TRAM1: variants seen among roughly 807,000 people sequenced by gnomAD.
TRAM1 encodes translocation associated membrane protein 1, also known as translocating chain-associated membrane protein 1.
Under a neutral mutation model 48.7 loss-of-function variants are expected in TRAM1, and 17 were observed. The observed-to-expected ratio is 0.35, with a 90% CI of 0.24 to 0.52. TRAM1 has a LOEUF of 0.52. Among genes scored for constraint, TRAM1 ranks in the 20% least tolerant of loss-of-function variants. TRAM1 has a pLI of 0.94. For missense variants in TRAM1, 351 were observed against 441.5 expected, an observed-to-expected ratio of 0.79 and a Z score of 1.84; for synonymous variants, 182 against 154.0, an observed-to-expected ratio of 1.18 and a Z score of -1.34.
At chr8:70,593,891 T>C (rs1014448069) in intron 6 of TRAM1, among the ~76,000 whole-genome samples, 1 of 152,144 alleles carries the variant, frequency 6.6e-6, no homozygotes, top group Admixed American at 6.6e-5. Flanking sequence ...TGTGATAGCA[T>C]GGAACCCGAC....
intron 6 of TRAM1, among the ~76,000 whole-genome samples, chr8:70,588,797 A>G (rs1817284491): frequency 6.6e-6 from 1 of 152,166 alleles, no homozygotes; most frequent in Admixed American, 6.5e-5. Flanking sequence ...CCTATACCTC[A>G]TTTCTAATTT....
intron 4 of TRAM1, among the ~76,000 whole-genome samples, chr8:70,597,065 G>A (rs561327856): frequency 4.6e-5 from 7 of 152,108 alleles, no homozygotes; most frequent in Non-Finnish European, 8.8e-5. Flanking sequence ...AAAACTCACT[G>A]TTATTCATCT....
chr8:70,604,762 CT>C (rs1332525449), intron 1 of TRAM1, among the ~76,000 whole-genome samples: 1 of 152,032 alleles, frequency 6.6e-6, no homozygotes, highest in Admixed American at 6.5e-5. Flanking sequence ...AATATCTTTC[CT>C]TTTGAATATA....
At chr8:70,579,500 T>C (rs1817029107) in intron 10 of TRAM1, among the ~76,000 whole-genome samples, 1 of 152,230 alleles carries the variant, frequency 6.6e-6, no homozygotes, top group South Asian at 2.1e-4. Flanking sequence ...TTTTGGAATG[T>C]ATTCCCCCAG....
At chr8:70,598,981 CAG>C (rs778237396) in intron 2 of TRAM1, among the ~76,000 whole-genome samples, 31 of 152,282 alleles carry the variant, frequency 2.0e-4, no homozygotes, top group Middle Eastern at 3.4e-3. Flanking sequence ...AAACCCAACT[CAG>C]GGGCTAGATG....
Position 70,608,368 on chromosome 8 carries a change from CG to C in TRAM1, c.-170del, listed in dbSNP as rs1554536515. ...GCCAGTACGCAGCCGCCGGGCCGCC[CG>C]GGGGAAAAAAAAAAACACAACAGCT... On this transcript the variant is annotated 5_prime_UTR_variant, in exon 1 of 11. Coordinates refer to ENST00000262213, the MANE Select transcript of TRAM1 (RefSeq NM_014294.6). The C allele has an allele frequency of 9.7e-6, 5 of 513,336 alleles. No individual in the cohort carries two copies. The highest frequency in any genetic ancestry group is 6.6e-4 in the Middle Eastern group (1 of 1,520). The allele number at this position is 513,336 out of a possible 1,614,324, so 31.8% of individuals were successfully genotyped here.
Position 70,608,069 on chromosome 8 carries a change from G to C in TRAM1, c.123+8C>G. The C allele has an allele frequency of 6.3e-7, 1 of 1,590,418 alleles. No homozygotes were observed. The highest frequency in any genetic ancestry group is 8.5e-7 in the Non-Finnish European group (1 of 1,170,002). On this transcript the variant is annotated splice_region_variant and intron_variant, in intron 1 of 10. Transcript: ENST00000262213. ...GGGGCAGGCGGTTGGGACTCGGGGC[G>C]GGCTCACCTCAAACATGAGCCCCAG...
At chr8:70,595,659 AATAT>A (rs1348728305) in intron 5 of TRAM1, among the ~76,000 whole-genome samples, 1 of 152,220 alleles carries the variant, frequency 6.6e-6, no homozygotes, top group Non-Finnish European at 1.5e-5. Context: ...CAATCAAAAC[AATAT>A]ATAGACACTA....
At chr8:70,580,663 A>C (rs1211218174) in intron 10 of TRAM1, among the ~76,000 whole-genome samples, 1 of 151,836 alleles carries the variant, frequency 6.6e-6, no homozygotes, top group Non-Finnish European at 1.5e-5. Context: ...GTCTGCTCTC[A>C]CCATTTCTAT....
chr8:70,574,612 T>A lies in TRAM1; in HGVS notation c.*320A>T, dbSNP rs1024826664. On this transcript the variant is annotated 3_prime_UTR_variant, in exon 11 of 11. Transcript: ENST00000262213. ...AAATTGGTGACAGCAAGAAATTGTATCACTGATATGTGGAATTTTTGTAAA... is the reference window on the plus strand; with the variant it reads ...AAATTGGTGACAGCAAGAAATTGTAACACTGATATGTGGAATTTTTGTAAA... The A allele has an allele frequency of 4.4e-6, 1 of 228,470 alleles. No individual in the cohort carries two copies. Among genetic ancestry groups the A allele is most frequent in the Admixed American group, 5.8e-5 (1 of 17,100 alleles). The allele number at this position is 228,470 out of a possible 1,614,324, so 14.2% of individuals were successfully genotyped here. A position where few individuals can be genotyped will look rare whatever the true frequency, so the allele number is the denominator to read the frequency against.
chr8:70,574,924 A>G lies in TRAM1; in HGVS notation c.*8T>C, dbSNP rs1011905375. 1 of 1,561,146 alleles carries G rather than the reference A, an allele frequency of 6.4e-7. No individual in the cohort carries two copies. The highest frequency in any genetic ancestry group is 8.8e-7 in the Non-Finnish European group (1 of 1,134,372). ...TTTGGGGACATTAATCAATTAGTTT[A>G]TAATTCATTATGAAGATTTCTCTTT... On this transcript the variant is annotated 3_prime_UTR_variant, in exon 11 of 11. Coordinates refer to ENST00000262213, the MANE Select transcript of TRAM1 (RefSeq NM_014294.6).
chr8:70,597,438 G>A (rs1343225217), intron 4 of TRAM1, among the ~76,000 whole-genome samples: 3 of 151,986 alleles, frequency 2.0e-5, no homozygotes, highest in Admixed American at 6.6e-5. Flanking sequence ...TTGGGAGGCC[G>A]AGGCGGGTGG....
At chr8:70,604,395 C>T (rs1319863201) in intron 1 of TRAM1, among the ~76,000 whole-genome samples, 2 of 152,144 alleles carry the variant, frequency 1.3e-5, no homozygotes, top group Non-Finnish European at 2.9e-5. Flanking sequence ...ATATCAAATT[C>T]CACTTCCAGT....
chr8:70,603,674 G>A (rs188368667), intron 1 of TRAM1, among the ~76,000 whole-genome samples: 54 of 152,302 alleles, frequency 3.5e-4, no homozygotes, highest in African/African-American at 1.1e-3. Context: ...CTGAGATCAC[G>A]CCATTGCACT....
chr8:70,583,354 T>C (rs1817125161), intron 9 of TRAM1, 30 bp from the exon 10 acceptor site: 1 of 1,601,016 alleles, frequency 6.2e-7, no homozygotes, highest in African/African-American at 1.3e-5. Context: ...AAAAAGTTAG[T>C]GTATAAAAAA....
chr8:70,599,078 T>C (rs943155837), intron 2 of TRAM1, among the ~76,000 whole-genome samples: 1 of 152,120 alleles, frequency 6.6e-6, no homozygotes, highest in Non-Finnish European at 1.5e-5. Flanking sequence ...GGTAGTATAG[T>C]GAGACTCCAT....
At chr8:70,576,474 T>C (rs988502944) in intron 10 of TRAM1, among the ~76,000 whole-genome samples, 2 of 152,280 alleles carry the variant, frequency 1.3e-5, no homozygotes, top group Admixed American at 6.5e-5. Context: ...TTTATGCCGA[T>C]GTATTTGCAA....
intron 8 of TRAM1, among the ~76,000 whole-genome samples, chr8:70,584,400 C>T (rs1817158314): frequency 6.6e-6 from 1 of 152,180 alleles, no homozygotes; most frequent in African/African-American, 2.4e-5. Flanking sequence ...TCTCACCACT[C>T]CTATTCAACA....
intron 1 of TRAM1, 60 bp from the exon 2 acceptor site, chr8:70,600,142 C>T (rs268593): frequency 0.35 from 481,602 of 1,384,302 alleles, 87,488 homozygotes; most frequent in East Asian, 0.62. Context: ...AATAACAGAT[C>T]GGGGCAAAAA....
Sources: gnomAD v4.1 joint callset for allele counts (sites outside exome capture counted in the v4.1 genomes callset) on GRCh38, gnomAD v4.1.1 for gene constraint, MANE v1.5 for transcripts, NCBI Gene and HGNC (gene_info 2026-07-23, HGNC 2026-07-21) for gene names.